The following OVCH1 variants were observed in gnomAD, a reference collection of about 807,000 sequenced individuals.
OVCH1 encodes the protein ovochymase-1.
Under a neutral mutation model 138.4 loss-of-function variants are expected in OVCH1, and 139 were observed. That is an observed-to-expected ratio of 1.00 (90% CI 0.87 to 1.16). The LOEUF (loss-of-function observed/expected upper bound fraction) is 1.16. Among genes scored for constraint, OVCH1 ranks in the 50% most tolerant of loss-of-function variants. The pLI, the probability that OVCH1 is intolerant of heterozygous loss-of-function variation, is 0.00. For synonymous variants in OVCH1, 453 were observed against 467.8 expected (o/e 0.97, Z 0.41); for missense variants, 1,367 against 1,357.9 (o/e 1.01, Z -0.11).
intron 23 of OVCH1, among the ~76,000 whole-genome samples, 156 bp from the exon 24 acceptor site, chr12:29,444,436 C>G (rs924167999): frequency 6.6e-6 from 1 of 151,968 alleles, no homozygotes. Flanking sequence ...AAAATTTTCT[C>G]CGTCTTAAAT....
exon 19 of OVCH1, chr12:29,461,883 C>G: frequency 6.2e-7 from 1 of 1,613,870 alleles, no homozygotes; most frequent in Non-Finnish European, 8.5e-7. Flanking sequence ...CCAGATGCTG[C>G]AAAGCCAGCA....
chr12:29,432,999 C>T (rs7965795), intron 27 of OVCH1, among the ~76,000 whole-genome samples: 4,136 of 152,102 alleles, frequency 0.027, 142 homozygotes, highest in East Asian at 0.082. Flanking sequence ...TCAAGAAAAA[C>T]GAGAGGGCAA....
chr12:29,466,906 A>G (rs1942339422), intron 16 of OVCH1, among the ~76,000 whole-genome samples: 2 of 152,196 alleles, frequency 1.3e-5, no homozygotes, highest in Non-Finnish European at 2.9e-5. Flanking sequence ...CAGGAAAAGT[A>G]AAGTTACTCA....
At chr12:29,414,575 C>T (rs1320691753) in intron 3 of OVCH1, among the ~76,000 whole-genome samples, 1 of 152,196 alleles carries the variant, frequency 6.6e-6, no homozygotes, top group African/African-American at 2.4e-5. Context: ...ACTATTGCTA[C>T]ATTGCCTGAC....
downstream of OVCH1, among the ~76,000 whole-genome samples, chr12:29,422,889 C>T (rs957194954): frequency 7.9e-5 from 12 of 152,110 alleles, no homozygotes; most frequent in Admixed American, 2.0e-4. Context: ...GACTGACTTT[C>T]GTGTTTATCA....
At chr12:29,464,676 C>A (rs1942255942) in exon 18 of OVCH1, 6 of 1,613,324 alleles carry the variant, frequency 3.7e-6, no homozygotes, top group Non-Finnish European at 4.2e-6. Context: ...AGTCTTCATG[C>A]ACTATTATGT....
intron 3 of OVCH1, 125 bp from the exon 4 acceptor site, chr12:29,495,582 T>A (rs1405643200): frequency 4.7e-6 from 4 of 850,702 alleles, no homozygotes; most frequent in Non-Finnish European, 7.1e-6. Context: ...GAAGAAGGTT[T>A]TCCTTATTAT....
chr12:29,451,492 T>C (rs373559649), exon 22 of OVCH1: 8 of 1,613,372 alleles, frequency 5.0e-6, no homozygotes, highest in Non-Finnish European at 6.8e-6. Context: ...CATTCCAGTC[T>C]TCCTCTATAA....
intron 16 of OVCH1, among the ~76,000 whole-genome samples, chr12:29,468,321 TAAG>T (rs1942386609): frequency 6.6e-6 from 1 of 152,252 alleles, no homozygotes; most frequent in East Asian, 1.9e-4. Flanking sequence ...TTAAAGAAAT[TAAG>T]AAGTCAAAAA....
chr12:29,427,734 C>A, intron 27 of OVCH1: 1 of 1,497,500 alleles, frequency 6.7e-7, no homozygotes, highest in Non-Finnish European at 8.9e-7. Flanking sequence ...GCCTAGCTAA[C>A]GGGGAAGCCA....
At chr12:29,458,827 AG>A (rs1942036648) in intron 19 of OVCH1, among the ~76,000 whole-genome samples, 1 of 152,214 alleles carries the variant, frequency 6.6e-6, no homozygotes, top group Admixed American at 6.5e-5. Flanking sequence ...AATGGACAAA[AG>A]ATCTGAATAG....
At position 29,478,926 on chromosome 12, in the gene OVCH1, G is replaced by T. The variant is rs764030462; in HGVS notation, c.996-18C>A. ...TGTCTAAACTTGTAAATTTTATCAGGATTATTTTATCTTCTGGTACCATTA... is the reference window on the plus strand; with the variant it reads ...TGTCTAAACTTGTAAATTTTATCAGTATTATTTTATCTTCTGGTACCATTA... On this transcript the variant is annotated intron_variant, in intron 8 of 27. Transcript: ENST00000318184. 12 of 1,538,898 alleles carry T rather than the reference G, an allele frequency of 7.8e-6. No individual in the cohort carries two copies. The African/African-American group carries it at 1.5e-4, about 20-fold the overall frequency.
chr12:29,455,177 C>T, intron 20 of OVCH1, 72 bp downstream of exon 20: 1 of 1,496,726 alleles, frequency 6.7e-7, no homozygotes, highest in Non-Finnish European at 9.1e-7. Context: ...CTAATTTATA[C>T]CACACTCACT....
chr12:29,417,496 G>T (rs1242818913), intron 3 of OVCH1, among the ~76,000 whole-genome samples: 1 of 146,796 alleles, frequency 6.8e-6, no homozygotes, highest in African/African-American at 2.5e-5. Context: ...GCAACACTAG[G>T]AATCCTTGGG....
intron 26 of OVCH1, among the ~76,000 whole-genome samples, chr12:29,437,287 A>T (rs1221799000): frequency 6.6e-6 from 1 of 152,208 alleles, no homozygotes; most frequent in Non-Finnish European, 1.5e-5. Flanking sequence ...TGTCATTTTT[A>T]AAAGTAGGGT....
intron 12 of OVCH1, among the ~76,000 whole-genome samples, 152 bp downstream of exon 12, chr12:29,476,948 TCA>T (rs889698670): frequency 3.3e-5 from 5 of 152,190 alleles, no homozygotes; most frequent in African/African-American, 7.2e-5. Flanking sequence ...TCAAAACCAC[TCA>T]CAGAGATTTC....
At chr12:29,430,553 T>C (rs535231174) in intron 27 of OVCH1, among the ~76,000 whole-genome samples, 3 of 152,306 alleles carry the variant, frequency 2.0e-5, no homozygotes, top group East Asian at 3.9e-4. Flanking sequence ...GGATTATGAC[T>C]GTCTCTGCTG....
intron 3 of OVCH1, among the ~76,000 whole-genome samples, chr12:29,413,024 C>CTTTTTTT (rs35540929): frequency 2.8e-5 from 4 of 140,924 alleles, no homozygotes; most frequent in Non-Finnish European, 3.1e-5. Context: ...CCAGCTAATT[C>CTTTTTTT]TTTTTTTTTT....
chr12:29,432,218 G>A (rs1941282054), intron 27 of OVCH1, among the ~76,000 whole-genome samples: 1 of 152,074 alleles, frequency 6.6e-6, no homozygotes, highest in African/African-American at 2.4e-5. Context: ...GAATGAGTTA[G>A]GAAAACATTG....
Sources: gnomAD v4.1 joint callset for allele counts (sites outside exome capture counted in the v4.1 genomes callset) on GRCh38, gnomAD v4.1.1 for gene constraint, MANE v1.5 for transcripts, NCBI Gene and HGNC (gene_info 2026-07-23, HGNC 2026-07-21) for gene names.